Variants in SAXO1 observed in about 807,000 individuals in gnomAD.
SAXO1 encodes 4930500O09Rik.
A neutral mutation model predicts 17.5 loss-of-function variants in SAXO1; 21 were observed. The ratio of observed to expected loss-of-function variants is 1.20; its 90% confidence interval spans 0.85 to 1.72. The LOEUF is 1.72. SAXO1 is among the 40% of genes most tolerant of loss of function. The probability of loss-of-function intolerance (pLI) is 0.00; values close to 1 mark genes in which losing one functional copy is unlikely to be tolerated. For missense variants in SAXO1, 843 were observed against 596.0 expected (o/e 1.41, Z -4.32); for synonymous variants, 274 against 216.5 (o/e 1.27, Z -2.33).
At position 18,953,830 on chromosome 9, in the gene SAXO1, T is replaced by C. The variant is rs575484082; in HGVS notation, c.39-2893A>G. The stretch of plus-strand genomic sequence containing the variant: ...AGGATGATCTGCTAAAAGAAAGATA[T>C]CTAGAAGTTATCAAGGAACAGAAAA... On this transcript the variant is annotated intron_variant, in intron 1 of 3. Coordinates refer to ENST00000380534, the MANE Select transcript of SAXO1 (RefSeq NM_153707.4). Among the ~76,000 whole-genome samples, 17 of 152,324 alleles carry C rather than the reference T, an allele frequency of 1.1e-4. No individual in the cohort carries two copies. In the South Asian group the frequency reaches 3.5e-3, roughly 32 times the overall value.
chr9:18,939,349 G>C, intron 3 of SAXO1, among the ~76,000 whole-genome samples: 1 of 152,230 alleles, frequency 6.6e-6, no homozygotes, highest in South Asian at 2.1e-4. Flanking sequence ...CTCCTGTGTG[G>C]TGCCTGCTGT....
At chr9:18,950,958 G>T in intron 1 of SAXO1, 21 bp from the exon 2 acceptor site, 1 of 1,594,986 alleles carries the variant, frequency 6.3e-7, no homozygotes, top group Non-Finnish European at 8.6e-7. Context: ...CACAGAGTTA[G>T]GTTGATTACC....
intron 1 of SAXO1, among the ~76,000 whole-genome samples, chr9:19,020,517 AATTTTTTGTTGTTGT>A (rs1835178957): frequency 1.3e-5 from 2 of 151,826 alleles, no homozygotes; most frequent in African/African-American, 2.4e-5. Flanking sequence ...ATAACCAGCT[AATTTTTTGTTGTTGT>A]ATTTTTTGTA....
intron 1 of SAXO1, among the ~76,000 whole-genome samples, chr9:19,006,287 C>T (rs4390031): frequency 0.85 from 129,131 of 152,190 alleles, 55,087 homozygotes; most frequent in African/African-American, 0.92. Context: ...TCCAAAAGAA[C>T]TGAAAGCAGG....
intron 1 of SAXO1, among the ~76,000 whole-genome samples, chr9:18,975,486 T>C (rs879569306): frequency 2.0e-5 from 3 of 152,188 alleles, no homozygotes; most frequent in Non-Finnish European, 4.4e-5. Context: ...ATGGAATCAT[T>C]TGCCCTCCCT....
chr9:19,007,997 G>T (rs1834556403), intron 1 of SAXO1, among the ~76,000 whole-genome samples: 2 of 150,352 alleles, frequency 1.3e-5, no homozygotes, highest in African/African-American at 4.9e-5. Context: ...TTGGAGACAG[G>T]GTCTCTGTCA....
intron 1 of SAXO1, among the ~76,000 whole-genome samples, chr9:18,959,211 C>G (rs763914779): frequency 3.3e-5 from 5 of 152,140 alleles, no homozygotes; most frequent in African/African-American, 9.7e-5. Context: ...AATGTTAACT[C>G]TGGGGTGGTC....
intron 1 of SAXO1, among the ~76,000 whole-genome samples, chr9:18,965,911 C>T (rs1002592759): frequency 1.3e-4 from 20 of 152,150 alleles, no homozygotes; most frequent in African/African-American, 4.1e-4. Context: ...TTAGTGCTTC[C>T]TTCAGGAGCT....
At chr9:18,957,632 A>G (rs138825577) in intron 1 of SAXO1, among the ~76,000 whole-genome samples, 219 of 152,330 alleles carry the variant, frequency 1.4e-3, no homozygotes, top group African/African-American at 5.1e-3. Flanking sequence ...GAAGCTGCCC[A>G]GGATCGCCAA....
intron 1 of SAXO1, among the ~76,000 whole-genome samples, chr9:18,997,010 C>T (rs1162294141): frequency 1.3e-5 from 2 of 152,120 alleles, no homozygotes; most frequent in Non-Finnish European, 2.9e-5. Context: ...CTCTGGTCTA[C>T]AGCTCCCAGC....
At chr9:18,998,189 A>T (rs1004465038) in intron 1 of SAXO1, among the ~76,000 whole-genome samples, 1 of 152,120 alleles carries the variant, frequency 6.6e-6, no homozygotes, top group Non-Finnish European at 1.5e-5. Flanking sequence ...TATGTTCTAA[A>T]CCATCACAAG....
At position 19,033,184 on chromosome 9, in the gene SAXO1, G is replaced by T; in HGVS notation, c.-276C>A. The T allele has an allele frequency of 2.6e-6, 1 of 384,976 alleles. No individual in the cohort carries two copies. The highest frequency in any genetic ancestry group is 4.6e-6 in the Non-Finnish European group (1 of 216,198). The allele number at this position is 384,976 out of a possible 1,614,324, so 23.8% of individuals were successfully genotyped here. On this transcript the variant is annotated 5_prime_UTR_variant, in exon 1 of 4. It adds an upstream start codon to the 5' untranslated region. Coordinates refer to ENST00000380534, the MANE Select transcript of SAXO1 (RefSeq NM_153707.4). ...CCACCGCCCCGGCCTCCGCAGTCCA[G>T]ACTTAAGCACCTGGAGCGGCTGACT...
intron 1 of SAXO1, among the ~76,000 whole-genome samples, chr9:18,998,180 A>T (rs1048521252): frequency 1.6e-4 from 24 of 152,160 alleles, no homozygotes; most frequent in African/African-American, 5.6e-4. Context: ...CTAAAGGAGT[A>T]TGTTCTAAAC....
At chr9:18,973,904 T>C (rs1833039092) in intron 1 of SAXO1, among the ~76,000 whole-genome samples, 1 of 152,246 alleles carries the variant, frequency 6.6e-6, no homozygotes, top group South Asian at 2.1e-4. Flanking sequence ...AAAGCTCTTG[T>C]TATATGTCAT....
intron 1 of SAXO1, among the ~76,000 whole-genome samples, chr9:19,032,340 G>C (rs1032706140): frequency 6.6e-6 from 1 of 152,232 alleles, no homozygotes; most frequent in Non-Finnish European, 1.5e-5. Context: ...GGTCCTTAAA[G>C]GTTAGAAGGG....
chr9:18,938,821 CGTGTGTGTGTGTGT>C (rs67090530), intron 3 of SAXO1, among the ~76,000 whole-genome samples: 1 of 78,584 alleles, frequency 1.3e-5, no homozygotes, highest in Admixed American at 1.4e-4. Context: ...TGCGTGCGTG[CGTGTGTGTGTGTGT>C]GTGTGTGTGT....
chr9:19,039,509 A>C (rs182105396), intron 1 of SAXO1, among the ~76,000 whole-genome samples: 2 of 152,328 alleles, frequency 1.3e-5, no homozygotes, highest in South Asian at 2.1e-4. Flanking sequence ...AGTCCTTAAT[A>C]GTTTCTCAGT....
intron 1 of SAXO1, among the ~76,000 whole-genome samples, chr9:18,974,487 G>A (rs1481069692): frequency 6.6e-6 from 1 of 152,200 alleles, no homozygotes; most frequent in Non-Finnish European, 1.5e-5. Flanking sequence ...TAGAGAAAAA[G>A]TTTGAGGGTT....
chr9:18,947,554 C>T (rs1053972999), intron 2 of SAXO1: 9 of 152,264 alleles, frequency 5.9e-5, no homozygotes, highest in African/African-American at 2.2e-4. Flanking sequence ...CCTCTTTCTT[C>T]TGATGCTGCT....
Sources: gnomAD v4.1 joint callset for allele counts (sites outside exome capture counted in the v4.1 genomes callset) on GRCh38, gnomAD v4.1.1 for gene constraint, MANE v1.5 for transcripts, NCBI Gene and HGNC (gene_info 2026-07-23, HGNC 2026-07-21) for gene names.